OXSR1: variants seen among roughly 807,000 people sequenced by gnomAD.
The protein encoded by OXSR1 is oxidative stress responsive kinase 1.
OXSR1 carries 24 observed loss-of-function variants against 79.8 expected under a neutral mutation model. The observed-to-expected ratio is 0.30, with a 90% CI of 0.22 to 0.42. The LOEUF is 0.42. Ranked by LOEUF, OXSR1 falls within the 10% of genes least tolerant of loss-of-function variation. OXSR1 has a pLI of 1.00. For missense variants in OXSR1, 430 were observed against 618.4 expected (o/e 0.70, Z 3.23); for synonymous variants, 226 against 209.2 (o/e 1.08, Z -0.69).
intron 4 of OXSR1, among the ~76,000 whole-genome samples, chr3:38,206,742 T>G (rs1012431306): frequency 3.5e-4 from 54 of 152,284 alleles, no homozygotes; most frequent in African/African-American, 1.3e-3. Flanking sequence ...TTCTATTGAG[T>G]TAGCAACCAA....
At chr3:38,227,155 G>A (rs1340436434) in intron 8 of OXSR1, among the ~76,000 whole-genome samples, 2 of 152,070 alleles carry the variant, frequency 1.3e-5, no homozygotes, top group Non-Finnish European at 2.9e-5. Flanking sequence ...CACGCACAAT[G>A]GACTGGTTAA....
At chr3:38,168,606 C>A (rs1052604261) in intron 1 of OXSR1, among the ~76,000 whole-genome samples, 1 of 152,176 alleles carries the variant, frequency 6.6e-6, no homozygotes, top group African/African-American at 2.4e-5. Flanking sequence ...TCAGTCATCA[C>A]CACAATCCAA....
chr3:38,247,870 T>C (rs554331433), intron 14 of OXSR1, 138 bp downstream of exon 14: 3 of 570,406 alleles, frequency 5.3e-6, no homozygotes, highest in South Asian at 4.9e-5. Context: ...TGGTGTATTA[T>C]TTTTCCCCAG....
Position 38,193,613 on chromosome 3 carries a change from CT to C in OXSR1, c.292+2792del, listed in dbSNP as rs35335075. Among the ~76,000 whole-genome samples, 538 of 131,500 alleles carry C rather than the reference CT, an allele frequency of 4.1e-3. 2 individuals are homozygous for C. Among genetic ancestry groups the C allele is most frequent in the African/African-American group, 4.7e-3 (169 of 35,756 alleles). The allele number at this position is 131,500 out of a possible 152,430, so 86.3% of individuals were successfully genotyped here. Reference sequence around the variant, plus strand: ...TTTCTGCTACTCCTAAGCAGAACGACTTTTTTTTTTTTTTTTTTAAGAATTC... The same window carrying C: ...TTTCTGCTACTCCTAAGCAGAACGACTTTTTTTTTTTTTTTTTAAGAATTC... On this transcript the variant is annotated intron_variant, in intron 3 of 17. Coordinates refer to ENST00000311806, the MANE Select transcript of OXSR1 (RefSeq NM_005109.3).
At position 38,252,876 on chromosome 3, in the gene OXSR1, G is replaced by A. The variant is rs899616441; in HGVS notation, c.1569G>A (p.Gln523=). 8 of 1,613,494 alleles carry A rather than the reference G, an allele frequency of 5.0e-6. No homozygotes were observed. The Admixed American group carries it at 1.2e-4, about 24-fold the overall frequency. ...PDDGKLIGFA[Q]LSIS ...ATGGTAAACTGATAGGATTTGCCCA[G>A]CTCAGCATCAGCTAAACCACAACCC... The change falls in exon 18 of 18, where the codon CAG becomes CAA. Residue 523 remains glutamine (Q), a synonymous_variant. Coordinates refer to ENST00000311806, the MANE Select transcript of OXSR1 (RefSeq NM_005109.3).
intron 9 of OXSR1, among the ~76,000 whole-genome samples, chr3:38,230,038 A>G (rs140926110): frequency 3.9e-5 from 6 of 152,324 alleles, no homozygotes; most frequent in African/African-American, 1.4e-4. Flanking sequence ...CTGAATTTGT[A>G]AACATCTCAT....
At chr3:38,184,616 T>C (rs765373132) in intron 2 of OXSR1, among the ~76,000 whole-genome samples, 5 of 152,192 alleles carry the variant, frequency 3.3e-5, no homozygotes, top group Non-Finnish European at 7.3e-5. Context: ...AGTCTTATTA[T>C]TTACTGCTTC....
At chr3:38,245,312 A>G (rs1703117654) in intron 12 of OXSR1, among the ~76,000 whole-genome samples, 1 of 152,184 alleles carries the variant, frequency 6.6e-6, no homozygotes. Context: ...TATACTCAGT[A>G]TCAGTCATTT....
intron 8 of OXSR1, among the ~76,000 whole-genome samples, chr3:38,226,036 A>G (rs1229114654): frequency 1.3e-5 from 2 of 152,146 alleles, no homozygotes; most frequent in East Asian, 1.9e-4. Flanking sequence ...TTTAGAGTCT[A>G]TACTCCCTAT....
At chr3:38,243,046 ATTTT>A (rs1462429677) in intron 12 of OXSR1, among the ~76,000 whole-genome samples, 1 of 147,758 alleles carries the variant, frequency 6.8e-6, no homozygotes, top group Admixed American at 6.8e-5. Flanking sequence ...TTATTTATTT[ATTTT>A]GAGACAGGGT....
intron 5 of OXSR1, 22 bp from the exon 6 acceptor site, chr3:38,221,556 T>C (rs755500364): frequency 7.6e-7 from 1 of 1,320,710 alleles, no homozygotes; most frequent in South Asian, 1.2e-5. Context: ...TTTAAATACC[T>C]TGCTGTTGTA....
chr3:38,242,005 T>G (rs563956999), intron 11 of OXSR1, among the ~76,000 whole-genome samples: 1 of 152,220 alleles, frequency 6.6e-6, no homozygotes, highest in African/African-American at 2.4e-5. Flanking sequence ...TAGAGGTAAG[T>G]TTTTTGGTAA....
At chr3:38,168,235 G>A (rs1701505800) in intron 1 of OXSR1, among the ~76,000 whole-genome samples, 2 of 152,176 alleles carry the variant, frequency 1.3e-5, no homozygotes, top group South Asian at 2.1e-4. Context: ...CCCATTTTAA[G>A]TGTAACATTT....
At chr3:38,168,546 C>G (rs1022439699) in intron 1 of OXSR1, among the ~76,000 whole-genome samples, 2 of 152,098 alleles carry the variant, frequency 1.3e-5, no homozygotes, top group African/African-American at 2.4e-5. Flanking sequence ...TAAGATTTAC[C>G]TGATTAAAAT....
chr3:38,190,572 G>A (rs1701964465), intron 2 of OXSR1, among the ~76,000 whole-genome samples, 159 bp from the exon 3 acceptor site: 1 of 152,188 alleles, frequency 6.6e-6, no homozygotes, highest in South Asian at 2.1e-4. Context: ...GGGAGACAAA[G>A]TGGTTTTATT....
intron 11 of OXSR1, among the ~76,000 whole-genome samples, chr3:38,238,711 T>C (rs1250557676): frequency 2.0e-5 from 3 of 152,060 alleles, no homozygotes; most frequent in Non-Finnish European, 4.4e-5. Flanking sequence ...GTAACATGTC[T>C]TTTTTCCCTG....
intron 3 of OXSR1, among the ~76,000 whole-genome samples, chr3:38,195,913 G>A (rs946404484): frequency 6.6e-6 from 1 of 152,058 alleles, no homozygotes; most frequent in African/African-American, 2.4e-5. Flanking sequence ...CAAATACCCT[G>A]TTTCCCATTA....
intron 4 of OXSR1, among the ~76,000 whole-genome samples, chr3:38,203,534 A>G (rs1702208438): frequency 6.6e-6 from 1 of 152,066 alleles, no homozygotes; most frequent in Non-Finnish European, 1.5e-5. Flanking sequence ...TTTTTTGTAG[A>G]GATTGGGTCT....
intron 5 of OXSR1, among the ~76,000 whole-genome samples, chr3:38,219,784 A>ATGG (rs757080321): frequency 0.039 from 4,974 of 128,154 alleles, 88 homozygotes; most frequent in Middle Eastern, 0.14. Context: ...TGTTAAGATG[A>ATGG]TGATGATGAT....
Sources: gnomAD v4.1 joint callset for allele counts (sites outside exome capture counted in the v4.1 genomes callset) on GRCh38, gnomAD v4.1.1 for gene constraint, MANE v1.5 for transcripts, NCBI Gene and HGNC (gene_info 2026-07-23, HGNC 2026-07-21) for gene names.